Variants in ELAPOR2 observed in about 807,000 individuals in gnomAD.
ELAPOR2 encodes the protein endosome/lysosome-associated apoptosis and autophagy regulator family member 2.
In ELAPOR2, 89 loss-of-function variants were observed where a neutral mutation model predicts 120.7. The observed-to-expected ratio is 0.74, with a 90% CI of 0.62 to 0.88. The LOEUF (loss-of-function observed/expected upper bound fraction) is 0.88. ELAPOR2 is among the 40% of genes least tolerant of loss of function. The pLI, the probability that ELAPOR2 is intolerant of heterozygous loss-of-function variation, is 0.00. For synonymous variants in ELAPOR2, 444 were observed against 444.9 expected, an observed-to-expected ratio of 1.00 and a Z score of 0.03; for missense variants, 1,134 against 1,251.6, an observed-to-expected ratio of 0.91 and a Z score of 1.42.
At chr7:86,975,728 G>A (rs559609077) in intron 1 of ELAPOR2, among the ~76,000 whole-genome samples, 3 of 152,300 alleles carry the variant, frequency 2.0e-5, no homozygotes, top group Non-Finnish European at 4.4e-5. Flanking sequence ...GAGAAAGTCC[G>A]CTACAGTTTC....
chr7:86,946,502 T>A lies in ELAPOR2; in HGVS notation c.506+1225A>T, dbSNP rs946357930. 7.2e-5 allele frequency among the ~76,000 whole-genome samples: 11 copies of A among 152,326 alleles called. No homozygotes were observed. The South Asian group carries it at 2.1e-3, about 29-fold the overall frequency. ...CCAGGGTTCAAGTGATCCTCCTGCC[T>A]CAGCCTCCAGAGTACCTGGGATTAC... On this transcript the variant is annotated intron_variant, in intron 3 of 21. Coordinates refer to ENST00000450689, the MANE Select transcript of ELAPOR2 (RefSeq NM_001142749.3).
intron 18 of ELAPOR2, 37 bp from the exon 19 acceptor site, chr7:86,897,669 C>A (rs762927434): frequency 2.5e-6 from 4 of 1,610,648 alleles, no homozygotes; most frequent in Non-Finnish European, 3.4e-6. Context: ...ACATAAGTGG[C>A]AGCTTTTTAA....
chr7:86,999,075 T>G (rs1793223459), intron 1 of ELAPOR2, among the ~76,000 whole-genome samples: 1 of 152,082 alleles, frequency 6.6e-6, no homozygotes, highest in African/African-American at 2.4e-5. Context: ...CTATTTCAGG[T>G]GTTATACATA....
At chr7:86,953,360 C>T (rs930803547) in intron 2 of ELAPOR2, among the ~76,000 whole-genome samples, 1 of 152,176 alleles carries the variant, frequency 6.6e-6, no homozygotes, top group Non-Finnish European at 1.5e-5. Context: ...AAGAGCCACA[C>T]TTTCTTGGTA....
chr7:87,011,063 C>T (rs187469065), intron 1 of ELAPOR2, among the ~76,000 whole-genome samples: 59 of 151,748 alleles, frequency 3.9e-4, no homozygotes, highest in African/African-American at 1.3e-3. Flanking sequence ...GTCAAGAGAT[C>T]GAGACCATCC....
intron 1 of ELAPOR2, among the ~76,000 whole-genome samples, chr7:87,040,412 A>C (rs1274444206): frequency 6.6e-6 from 1 of 152,218 alleles, no homozygotes; most frequent in Non-Finnish European, 1.5e-5. Flanking sequence ...CCCAGCACGC[A>C]GCTGGAGATC....
At chr7:86,981,897 T>C (rs1246172020) in intron 1 of ELAPOR2, among the ~76,000 whole-genome samples, 2 of 152,224 alleles carry the variant, frequency 1.3e-5, no homozygotes, top group South Asian at 4.1e-4. Context: ...GGGATTTCCC[T>C]TTCCTAGCCA....
intron 2 of ELAPOR2, among the ~76,000 whole-genome samples, chr7:86,948,253 C>T (rs1289231433): frequency 6.6e-6 from 1 of 152,188 alleles, no homozygotes; most frequent in African/African-American, 2.4e-5. Context: ...CTGTTCTCAA[C>T]TCAAAAACCA....
chr7:86,964,785 C>T, intron 2 of ELAPOR2, 119 bp downstream of exon 2: 1 of 1,011,606 alleles, frequency 9.9e-7, no homozygotes, highest in Non-Finnish European at 1.4e-6. Flanking sequence ...TGCTGGTTAT[C>T]AATGCCATAT....
Position 86,910,631 on chromosome 7 carries a change from G to A in ELAPOR2, c.2170-630C>T, listed in dbSNP as rs963673459. Among the ~76,000 whole-genome samples the A allele has an allele frequency of 4.1e-4, 63 of 151,906 alleles. 1 individual carries two copies. Among genetic ancestry groups the A allele is most frequent in the African/African-American group, 1.3e-3 (52 of 41,356 alleles). ...AGAGATTAGCTTTTTTAATAATTTT[G>A]AAAATAATTGGAAGATATAACTTAT... On this transcript the variant is annotated intron_variant, in intron 15 of 21. Coordinates refer to ENST00000450689, the MANE Select transcript of ELAPOR2 (RefSeq NM_001142749.3).
intron 1 of ELAPOR2, among the ~76,000 whole-genome samples, chr7:86,980,392 C>T (rs1020562855): frequency 6.6e-5 from 10 of 152,172 alleles, no homozygotes; most frequent in South Asian, 2.1e-4. Flanking sequence ...AGGCAGTTCC[C>T]TCTTTTATTA....
chr7:86,929,257 T>C (rs1050211728), intron 8 of ELAPOR2, among the ~76,000 whole-genome samples: 2 of 151,982 alleles, frequency 1.3e-5, no homozygotes, highest in African/African-American at 4.8e-5. Flanking sequence ...GCTTTGTCCA[T>C]GGTTGTCTGA....
At chr7:87,013,451 T>C (rs912252645) in intron 1 of ELAPOR2, among the ~76,000 whole-genome samples, 1 of 152,214 alleles carries the variant, frequency 6.6e-6, no homozygotes, top group Non-Finnish European at 1.5e-5. Context: ...ATTTTTAAAA[T>C]GCCCAGGGTT....
intron 1 of ELAPOR2, 135 bp from the exon 2 acceptor site, chr7:86,965,159 C>T (rs1791859961): frequency 1.2e-6 from 1 of 807,148 alleles, no homozygotes; most frequent in Non-Finnish European, 2.0e-6. Context: ...ATCCCACCCA[C>T]ACCAAGCAGC....
intron 1 of ELAPOR2, among the ~76,000 whole-genome samples, chr7:87,025,067 A>G (rs1404212105): frequency 2.6e-5 from 4 of 151,972 alleles, no homozygotes; most frequent in African/African-American, 9.7e-5. Flanking sequence ...CACCTGATAA[A>G]CCAAGTCAGA....
chr7:87,033,829 A>C (rs1450480761), intron 1 of ELAPOR2, among the ~76,000 whole-genome samples: 1 of 152,022 alleles, frequency 6.6e-6, no homozygotes, highest in Non-Finnish European at 1.5e-5. Flanking sequence ...ATAAATGTGC[A>C]TATATATAAT....
At chr7:87,033,644 CA>C (rs199839154) in intron 1 of ELAPOR2, among the ~76,000 whole-genome samples, 3,689 of 151,356 alleles carry the variant, frequency 0.024, 171 homozygotes, top group African/African-American at 0.085. Context: ...TAAGAGAATC[CA>C]AAAAAAATTT....
intron 19 of ELAPOR2, 83 bp downstream of exon 19, chr7:86,897,423 C>T: frequency 6.7e-7 from 1 of 1,502,660 alleles, no homozygotes; most frequent in Non-Finnish European, 9.0e-7. Flanking sequence ...TTTTGCCATA[C>T]TTCTGGACCT....
chr7:86,925,433 C>T, intron 10 of ELAPOR2, 95 bp downstream of exon 10: 1 of 1,300,560 alleles, frequency 7.7e-7, no homozygotes, highest in Non-Finnish European at 1.1e-6. Context: ...TGAAGTTCCT[C>T]ATACCCATAC....
Sources: allele counts gnomAD v4.1 joint callset (sites outside exome capture counted in the v4.1 genomes callset), GRCh38; gene constraint gnomAD v4.1.1; transcripts MANE v1.5; gene names NCBI Gene and HGNC (gene_info 2026-07-23, HGNC 2026-07-21).